The following ATP11C variants were observed in gnomAD, a reference collection of about 807,000 sequenced individuals.
ATP11C encodes ATPase phospholipid transporting 11C (ATP11C blood group).
Under a neutral mutation model 97.4 loss-of-function variants are expected in ATP11C, and 36 were observed. That is an observed-to-expected ratio of 0.37 (90% confidence interval 0.28 to 0.49). The LOEUF (loss-of-function observed/expected upper bound fraction) is 0.49. Among genes scored for constraint, ATP11C ranks in the 20% least tolerant of loss-of-function variants. The pLI is 0.98. For synonymous variants in ATP11C, 275 were observed against 290.9 expected, an observed-to-expected ratio of 0.95 and a Z score of 0.56; for missense variants, 730 against 824.6, an observed-to-expected ratio of 0.89 and a Z score of 1.40.
rs758106092 is a variant in ATP11C at position 139,865,187 on chromosome X, A to G, written c.28-38364T>C. ...CCAGGAGTCCAAGACCAACATGGCA[A>G]GACCTCATCTCTACAAAATTAAAAT... On this transcript the variant is annotated intron_variant, in intron 1 of 29. Coordinates refer to ENST00000682941, the MANE Select transcript of ATP11C (RefSeq NM_001353812.2). Among the ~76,000 whole-genome samples, 515 of 111,412 alleles carry G rather than the reference A, an allele frequency of 4.6e-3. 1 individual carries two copies. The highest frequency in any genetic ancestry group is 0.016 in the African/African-American group (490 of 30,635).
chrX:139,807,151 G>T (rs1033884651), intron 5 of ATP11C, among the ~76,000 whole-genome samples: 3 of 111,242 alleles, frequency 2.7e-5, no homozygotes, highest in African/African-American at 9.8e-5. Flanking sequence ...CTTACACTGA[G>T]TAACAAACAA....
At chrX:139,785,855 T>C (rs1388666376) in intron 15 of ATP11C, among the ~76,000 whole-genome samples, 1 of 111,421 alleles carries the variant, frequency 9.0e-6, no homozygotes, top group Non-Finnish European at 1.9e-5. Context: ...GAAGAGGACA[T>C]GCCTGAGCTG....
chrX:139,738,235 CCAA>C (rs2081485149), intron 27 of ATP11C, among the ~76,000 whole-genome samples, 166 bp from the exon 28 acceptor site: 1 of 111,082 alleles, frequency 9.0e-6, no homozygotes, highest in South Asian at 3.8e-4. Flanking sequence ...ATTTCATTTA[CCAA>C]ATGTTTGGAA....
rs2082854768 is a variant in ATP11C, at chrX:139,798,742, A to C, written c.712T>G (p.Ser238Ala). 8.3e-7 allele frequency: 1 copy of C among 1,201,905 alleles called. No homozygotes were observed. Among genetic ancestry groups the C allele is most frequent in the Non-Finnish European group, 1.1e-6 (1 of 888,140 alleles). The change falls in exon 9 of 30, where the codon TCT becomes GCT. Residue 238 changes from serine (S) to alanine (A), a missense_variant and splice_region_variant. Ser to Ala is a moderately conservative substitution (Grantham distance 99). Transcript: ENST00000682941. ...AGCAAGAGATTTTCAGGTCCCAAAGACCTAAATAAAAAATGAACACAGCTT... is the reference window on the plus strand; with the variant it reads ...AGCAAGAGATTTTCAGGTCCCAAAGCCCTAAATAAAAAATGAACACAGCTT... ...YSNSLEAVAR[S>A]LGPENLLLKG...
chrX:139,828,224 C>A (rs1436952882), intron 1 of ATP11C, among the ~76,000 whole-genome samples: 2 of 111,801 alleles, frequency 1.8e-5, no homozygotes, highest in Non-Finnish European at 3.8e-5. Context: ...ATTAGAACAA[C>A]TGATTGTCCA....
At chrX:139,737,761 T>C (rs746396015) in intron 28 of ATP11C, 155 bp downstream of exon 28, 3 of 628,140 alleles carry the variant, frequency 4.8e-6, no homozygotes, top group South Asian at 2.3e-5. Flanking sequence ...GTTTTTACTA[T>C]ACTTTTTATG....
chrX:139,852,621 G>A (rs900332263), intron 1 of ATP11C, among the ~76,000 whole-genome samples: 7 of 109,394 alleles, frequency 6.4e-5, no homozygotes, highest in Non-Finnish European at 1.1e-4. Context: ...ATGTGTATGC[G>A]TGAATGATCA....
chrX:139,860,103 T>TC (rs2084161464), intron 1 of ATP11C, among the ~76,000 whole-genome samples: 1 of 43,452 alleles, frequency 2.3e-5, no homozygotes, highest in East Asian at 6.4e-4. Flanking sequence ...AGACTCCGTC[T>TC]CAAAAAAAAA....
At chrX:139,927,431 G>A (rs1478056192) in intron 1 of ATP11C, among the ~76,000 whole-genome samples, 3 of 110,733 alleles carry the variant, frequency 2.7e-5, no homozygotes, top group East Asian at 2.8e-4. Context: ...GTGAAACCCC[G>A]TTTCTACTAA....
chrX:139,800,021 C>T (rs77038954), intron 8 of ATP11C, 39 bp downstream of exon 8: 4 of 581,070 alleles, frequency 6.9e-6, no homozygotes, highest in Admixed American at 2.7e-5. Context: ...AGACCCCCCC[C>T]CCCAACCAAA....
rs1331452759 is a variant in ATP11C, at chrX:139,742,875, AAATATATAT to A, written c.3030+675_3030+683del. Among the ~76,000 whole-genome samples the A allele has an allele frequency of 3.7e-3, 97 of 25,975 alleles. 2 individuals carry two copies. Among genetic ancestry groups the A allele is most frequent in the African/African-American group, 0.014 (93 of 6,645 alleles). The allele number at this position is 25,975 out of a possible 115,157, so 22.6% of individuals were successfully genotyped here. A position where few individuals can be genotyped will look rare whatever the true frequency, so the allele number is the denominator to read the frequency against. ...ATTTATTTTTAAATTAAAAAAAAAA[AAATATATAT>A]ATATATATATATATATATATATATA... On this transcript the variant is annotated intron_variant, in intron 26 of 29. Coordinates refer to ENST00000682941, the MANE Select transcript of ATP11C (RefSeq NM_001353812.2).
intron 1 of ATP11C, among the ~76,000 whole-genome samples, chrX:139,859,622 T>A (rs1037976061): frequency 1.8e-5 from 2 of 112,023 alleles, no homozygotes; most frequent in Non-Finnish European, 3.8e-5. Context: ...GCAGACATAT[T>A]CAACCCTCAC....
chrX:139,837,009 CAT>C (rs1289297142), intron 1 of ATP11C, among the ~76,000 whole-genome samples: 3 of 111,015 alleles, frequency 2.7e-5, no homozygotes, highest in Admixed American at 1.9e-4. Flanking sequence ...CACACACACA[CAT>C]ACACACACAC....
At chrX:139,786,038 G>C (rs1348873385) in intron 15 of ATP11C, among the ~76,000 whole-genome samples, 1 of 111,139 alleles carries the variant, frequency 9.0e-6, no homozygotes, top group Non-Finnish European at 1.9e-5. Flanking sequence ...AGGTAAGCAG[G>C]GGCTGGAAAC....
In ATP11C at chrX:139,911,787, C is replaced by T. The variant is rs759668057; in HGVS notation, c.27+20229G>A. ...TCCTGTGAACAACCCAAAGGCCCAT[C>T]GACAGGAGAATGGATAAACTCTAGT... On this transcript the variant is annotated intron_variant, in intron 1 of 29. Coordinates refer to ENST00000682941, the MANE Select transcript of ATP11C (RefSeq NM_001353812.2). Among the ~76,000 whole-genome samples, 75 of 111,108 alleles carry T rather than the reference C, an allele frequency of 6.8e-4. 1 individual carries two copies. Among genetic ancestry groups the T allele is most frequent in the East Asian group, 4.0e-3 (14 of 3,543 alleles).
intron 1 of ATP11C, among the ~76,000 whole-genome samples, chrX:139,895,181 C>T (rs766079557): frequency 3.8e-4 from 43 of 112,802 alleles, no homozygotes; most frequent in South Asian, 1.1e-3. Context: ...TTTGGCATTT[C>T]GCTCAAATTC....
rs750638380 is a variant in ATP11C, at chrX:139,896,692, T to G, written c.27+35324A>C. 3.9e-5 allele frequency among the ~76,000 whole-genome samples: 4 copies of G among 103,787 alleles called. No homozygotes were observed. In the East Asian group the frequency reaches 1.3e-3, roughly 33 times the overall value. The allele number at this position is 103,787 out of a possible 115,157, so 90.1% of individuals were successfully genotyped here. On this transcript the variant is annotated intron_variant, in intron 1 of 29. Coordinates refer to ENST00000682941, the MANE Select transcript of ATP11C (RefSeq NM_001353812.2). ...GTGCAGTGGCACAATCTCGGCTCAC[T>G]GCAACCCCAGCCTCTTGGGTTCAGC...
intron 19 of ATP11C, among the ~76,000 whole-genome samples, chrX:139,773,028 A>T (rs756305675): frequency 1.8e-5 from 2 of 110,997 alleles, no homozygotes; most frequent in African/African-American, 6.6e-5. Context: ...ACCTCCCAGA[A>T]TTCCCATGTG....
At chrX:139,916,388 G>A (rs1175929892) in intron 1 of ATP11C, among the ~76,000 whole-genome samples, 1 of 111,524 alleles carries the variant, frequency 9.0e-6, no homozygotes, top group Non-Finnish European at 1.9e-5. Context: ...CAGGCAGTGA[G>A]GCATTAGGGA....
Sources: allele counts gnomAD v4.1 joint callset (sites outside exome capture counted in the v4.1 genomes callset), GRCh38; gene constraint gnomAD v4.1.1; transcripts MANE v1.5; gene names NCBI Gene and HGNC (gene_info 2026-07-23, HGNC 2026-07-21).